The following CLEC16A variants were observed in gnomAD, a reference collection of about 807,000 sequenced individuals.
CLEC16A encodes C-type lectin domain containing 16A, also known as protein CLEC16A.
A neutral mutation model predicts 109.5 loss-of-function variants in CLEC16A; 51 were observed. That is an observed-to-expected ratio of 0.47 (90% CI 0.37 to 0.59). CLEC16A has a LOEUF of 0.59. Among genes scored for constraint, CLEC16A ranks in the 20% least tolerant of loss-of-function variants. The pLI is 0.00. For missense variants in CLEC16A, 1,339 were observed against 1,394.0 expected (o/e 0.96, Z 0.63); for synonymous variants, 673 against 564.2 (o/e 1.19, Z -2.73).
chr16:11,102,293 T>C (rs2050966998), intron 19 of CLEC16A, among the ~76,000 whole-genome samples: 1 of 152,236 alleles, frequency 6.6e-6, no homozygotes, highest in Non-Finnish European at 1.5e-5. Context: ...GTTGCTCTGC[T>C]GCCCAAAGTT....
intron 13 of CLEC16A, among the ~76,000 whole-genome samples, chr16:11,033,191 A>C (rs927168020): frequency 6.6e-6 from 1 of 151,786 alleles, no homozygotes; most frequent in Non-Finnish European, 1.5e-5. Flanking sequence ...GAGTCAGATG[A>C]CTCCTGTGAT....
intron 19 of CLEC16A, among the ~76,000 whole-genome samples, chr16:11,115,835 G>A (rs1005786775): frequency 1.3e-5 from 2 of 151,386 alleles, no homozygotes; most frequent in African/African-American, 4.8e-5. Context: ...ACATACTATT[G>A]TACATTTTAT....
At chr16:11,018,680 C>T (rs1417405745) in intron 11 of CLEC16A, among the ~76,000 whole-genome samples, 71 of 144,488 alleles carry the variant, frequency 4.9e-4, no homozygotes, top group African/African-American at 1.8e-3. Context: ...ACCTGGGAGG[C>T]GGAGCTTGCA....
At chr16:11,007,765 A>C (rs2045119357) in intron 11 of CLEC16A, among the ~76,000 whole-genome samples, 1 of 152,056 alleles carries the variant, frequency 6.6e-6, no homozygotes, top group Non-Finnish European at 1.5e-5. Context: ...AAGTGAGCTT[A>C]GTGAGTGTGC....
chr16:11,022,287 C>A (rs943829522), intron 12 of CLEC16A, among the ~76,000 whole-genome samples: 4 of 151,908 alleles, frequency 2.6e-5, no homozygotes, highest in Non-Finnish European at 4.4e-5. Context: ...CCTCTGTCCC[C>A]CCAACTTGAG....
intron 19 of CLEC16A, among the ~76,000 whole-genome samples, chr16:11,096,599 G>A (rs1257742698): frequency 6.6e-6 from 1 of 152,148 alleles, no homozygotes; most frequent in Non-Finnish European, 1.5e-5. Flanking sequence ...ATACCCCAAA[G>A]ATAACCACAT....
intron 10 of CLEC16A, among the ~76,000 whole-genome samples, chr16:10,984,556 T>C (rs977328742): frequency 1.3e-5 from 2 of 152,216 alleles, no homozygotes; most frequent in African/African-American, 4.8e-5. Flanking sequence ...TTAACTCTTA[T>C]AAGCGCTCTA....
chr16:11,117,294 G>T (rs570958489), intron 19 of CLEC16A, among the ~76,000 whole-genome samples: 1 of 152,106 alleles, frequency 6.6e-6, no homozygotes, highest in Non-Finnish European at 1.5e-5. Context: ...TAAAATAGGT[G>T]AACTTTATGG....
At position 11,047,352 on chromosome 16, in the gene CLEC16A, G is replaced by A. The variant is rs201377682; in HGVS notation, c.1866+10G>A. On this transcript the variant is annotated intron_variant, in intron 17 of 23. Transcript: ENST00000409790. ...GTATAGGAGCATGACAGTAAGTGAGGGGCTGGGACACACTTGGGCTGGTGT... is the reference window on the plus strand; with the variant it reads ...GTATAGGAGCATGACAGTAAGTGAGAGGCTGGGACACACTTGGGCTGGTGT... The A allele has an allele frequency of 2.9e-5, 46 of 1,603,240 alleles. No individual in the cohort carries two copies. The highest frequency in any genetic ancestry group is 6.8e-5 in the Admixed American group (4 of 58,504).
At chr16:10,996,013 C>T (rs902485115) in intron 10 of CLEC16A, among the ~76,000 whole-genome samples, 4 of 152,062 alleles carry the variant, frequency 2.6e-5, no homozygotes, top group African/African-American at 9.7e-5. Context: ...TACCTGATGC[C>T]TCTGGCCACC....
chr16:11,178,277 A>G lies in CLEC16A; in HGVS notation c.2807-58A>G. 2.0e-6 allele frequency: 3 copies of G among 1,464,240 alleles called. No homozygotes were observed. The highest frequency in any genetic ancestry group is 9.4e-7 in the Non-Finnish European group (1 of 1,064,102). The allele number at this position is 1,464,240 out of a possible 1,614,324, so 90.7% of individuals were successfully genotyped here. On this transcript the variant is annotated intron_variant, in intron 23 of 23. Coordinates refer to ENST00000409790, the MANE Select transcript of CLEC16A (RefSeq NM_015226.3). This position sits in a 1 kb window ranked among gnomAD's most constrained non-coding sequence, Gnocchi z 6.5. ...GGTTCAGGATGGGAGCACAGGGCGC[A>G]GTGCGACGGGGTGTCTCAAGGGCTC...
intron 19 of CLEC16A, among the ~76,000 whole-genome samples, chr16:11,090,711 C>A (rs1026606826): frequency 6.6e-6 from 1 of 151,534 alleles, no homozygotes; most frequent in Non-Finnish European, 1.5e-5. Flanking sequence ...GTGGTGTGAT[C>A]TTGGCTCACT....
chr16:10,978,730 C>T (rs192507727), intron 8 of CLEC16A, among the ~76,000 whole-genome samples: 3 of 152,304 alleles, frequency 2.0e-5, no homozygotes, highest in Admixed American at 1.3e-4. Flanking sequence ...CTCTGGGAGG[C>T]AGAGACAAAG....
At chr16:11,173,157 C>G (rs944082753) in intron 23 of CLEC16A, among the ~76,000 whole-genome samples, 1 of 152,160 alleles carries the variant, frequency 6.6e-6, no homozygotes, top group Admixed American at 6.5e-5. Context: ...ACCACTGTCC[C>G]GCTGGAGTTT....
chr16:11,005,850 A>G (rs7194305), intron 11 of CLEC16A, among the ~76,000 whole-genome samples: 74,316 of 152,044 alleles, frequency 0.49, 19,506 homozygotes, highest in African/African-American at 0.69. Flanking sequence ...TCTGACTCGC[A>G]GTCATGTCTC....
chr16:11,089,116 G>C (rs763585690), intron 19 of CLEC16A, among the ~76,000 whole-genome samples: 1 of 152,154 alleles, frequency 6.6e-6, no homozygotes, highest in Admixed American at 6.5e-5. Context: ...TGGGTGGATA[G>C]CCTCGGGCTG....
chr16:11,109,793 C>T (rs1216640996), intron 19 of CLEC16A, among the ~76,000 whole-genome samples: 1 of 152,200 alleles, frequency 6.6e-6, no homozygotes, highest in Non-Finnish European at 1.5e-5. Context: ...GTTCCTCAGC[C>T]CCTCCTGACC....
chr16:11,013,129 G>A (rs781100341), intron 11 of CLEC16A, among the ~76,000 whole-genome samples: 3 of 152,200 alleles, frequency 2.0e-5, no homozygotes, highest in Admixed American at 2.0e-4. Context: ...TGCAGACATG[G>A]CGAGAACATG....
chr16:11,163,854 T>C (rs180788622), intron 22 of CLEC16A, among the ~76,000 whole-genome samples: 19 of 152,244 alleles, frequency 1.2e-4, no homozygotes, highest in Admixed American at 1.0e-3. Context: ...CCCTGATAAA[T>C]AGGCAGCTCG....
Sources: allele counts gnomAD v4.1 joint callset (sites outside exome capture counted in the v4.1 genomes callset), GRCh38; gene constraint gnomAD v4.1.1; non-coding constraint Gnocchi (gnomAD v3.1); transcripts MANE v1.5; gene names NCBI Gene and HGNC (gene_info 2026-07-23, HGNC 2026-07-21).